Variants in ADAMTS19 observed in about 807,000 individuals in gnomAD.
ADAMTS19 encodes ADAM metallopeptidase with thrombospondin type 1 motif 19.
A neutral mutation model predicts 153.3 loss-of-function variants in ADAMTS19; 93 were observed. The observed-to-expected ratio is 0.61, with a 90% confidence interval of 0.51 to 0.72. The LOEUF is 0.72. Ranked by LOEUF, ADAMTS19 falls within the 30% of genes least tolerant of loss-of-function variation. ADAMTS19 has a pLI of 0.00. For synonymous variants in ADAMTS19, 600 were observed against 556.6 expected (o/e 1.08, Z -1.10); for missense variants, 1,482 against 1,552.1 (o/e 0.95, Z 0.76).
intron 18 of ADAMTS19, chr5:129,688,131 C>T (rs902392888): frequency 1.3e-5 from 2 of 152,168 alleles, no homozygotes; most frequent in South Asian, 4.2e-4. Context: ...TTTCAAGGAT[C>T]GCATCATTTC....
rs1018751009 is a variant in ADAMTS19 at position 129,713,777 on chromosome 5, T to A, written c.3312+9386T>A. On this transcript the variant is annotated intron_variant, in intron 21 of 22. Coordinates refer to ENST00000274487, the MANE Select transcript of ADAMTS19 (RefSeq NM_133638.6). ...TCTATCTAAAAAAAAAAAAAAAAAA[T>A]TAACAAAATGTTTTTAACAAACAGA... Among the ~76,000 whole-genome samples the A allele has an allele frequency of 2.7e-5, 4 of 149,820 alleles. No homozygotes were observed. The South Asian group carries it at 6.3e-4, about 24-fold the overall frequency.
intron 8 of ADAMTS19, 63 bp downstream of exon 8, chr5:129,596,727 AATT>A (rs2126920452): frequency 8.3e-7 from 1 of 1,198,520 alleles, no homozygotes; most frequent in Non-Finnish European, 1.2e-6. Context: ...CGAGTTACTG[AATT>A]ACCTGGATAT....
At chr5:129,524,382 G>A (rs1021137450) in intron 3 of ADAMTS19, among the ~76,000 whole-genome samples, 1 of 152,078 alleles carries the variant, frequency 6.6e-6, no homozygotes, top group African/African-American at 2.4e-5. Flanking sequence ...GCACCATTCA[G>A]GACATAGGCA....
chr5:129,548,921 C>T (rs892459070), intron 6 of ADAMTS19, among the ~76,000 whole-genome samples: 2 of 148,704 alleles, frequency 1.3e-5, no homozygotes, highest in African/African-American at 5.0e-5. Flanking sequence ...CAAACTATCG[C>T]AAGGACAAAA....
At position 129,562,217 on chromosome 5, in the gene ADAMTS19, C is replaced by T. The variant is rs113643420; in HGVS notation, c.1372+10310C>T. Among the ~76,000 whole-genome samples, 235 of 152,262 alleles carry T rather than the reference C, an allele frequency of 1.5e-3. 1 individual carries two copies. The highest frequency in any genetic ancestry group is 5.2e-3 in the African/African-American group (218 of 41,560). ...TTTAACTGAGACATCATATTTTAGCCTGCAACAGAAATGCTTTATCCATAC... is the reference window on the plus strand; with the variant it reads ...TTTAACTGAGACATCATATTTTAGCTTGCAACAGAAATGCTTTATCCATAC... On this transcript the variant is annotated intron_variant, in intron 7 of 22. Coordinates refer to ENST00000274487, the MANE Select transcript of ADAMTS19 (RefSeq NM_133638.6).
At chr5:129,574,053 G>C (rs995888715) in intron 7 of ADAMTS19, among the ~76,000 whole-genome samples, 2 of 151,796 alleles carry the variant, frequency 1.3e-5, no homozygotes, top group Non-Finnish European at 2.9e-5. Context: ...TAAGTACCAC[G>C]GGTTTTAAAA....
chr5:129,580,553 G>A (rs988477348), intron 7 of ADAMTS19, among the ~76,000 whole-genome samples: 1 of 152,152 alleles, frequency 6.6e-6, no homozygotes, highest in Non-Finnish European at 1.5e-5. Context: ...CATTCACTAT[G>A]ATATTGGCAG....
intron 7 of ADAMTS19, among the ~76,000 whole-genome samples, chr5:129,559,508 G>A (rs1320640497): frequency 6.6e-6 from 1 of 152,080 alleles, no homozygotes; most frequent in Non-Finnish European, 1.5e-5. Flanking sequence ...ACATTATAAA[G>A]TGATGGCAAG....
chr5:129,649,046 T>C (rs1408575435), intron 13 of ADAMTS19, 76 bp downstream of exon 13: 1 of 1,320,162 alleles, frequency 7.6e-7, no homozygotes, highest in Non-Finnish European at 1.0e-6. Flanking sequence ...AATAGTCAGA[T>C]TATTTTACCT....
At chr5:129,462,574 G>A (rs1056572137) in intron 2 of ADAMTS19, among the ~76,000 whole-genome samples, 2 of 151,768 alleles carry the variant, frequency 1.3e-5, no homozygotes, top group Non-Finnish European at 2.9e-5. Context: ...TTCAGGGGTT[G>A]GGACAAGCTT....
intron 2 of ADAMTS19, among the ~76,000 whole-genome samples, chr5:129,499,447 C>G (rs927685812): frequency 6.6e-6 from 1 of 152,060 alleles, no homozygotes. Context: ...TATTTATTCT[C>G]ATACTTGTGA....
intron 2 of ADAMTS19, among the ~76,000 whole-genome samples, chr5:129,494,787 T>G (rs1750873087): frequency 6.6e-6 from 1 of 152,186 alleles, no homozygotes; most frequent in African/African-American, 2.4e-5. Context: ...TTGTGAATTC[T>G]TCTTTCTTTC....
At chr5:129,505,571 A>G (rs1343592125) in intron 2 of ADAMTS19, among the ~76,000 whole-genome samples, 1 of 152,194 alleles carries the variant, frequency 6.6e-6, no homozygotes, top group Non-Finnish European at 1.5e-5. Flanking sequence ...CAGCACATCT[A>G]CATGGAGATA....
chr5:129,509,354 T>G, intron 3 of ADAMTS19, 112 bp downstream of exon 3: 1 of 983,586 alleles, frequency 1.0e-6, no homozygotes, highest in Non-Finnish European at 1.5e-6. Context: ...TGTAGAATCT[T>G]TTAATTAGTA....
intron 21 of ADAMTS19, among the ~76,000 whole-genome samples, chr5:129,727,846 C>T (rs1254780653): frequency 6.6e-6 from 1 of 152,144 alleles, no homozygotes; most frequent in Non-Finnish European, 1.5e-5. Flanking sequence ...CTGTCAGAGG[C>T]TTTGGAACCA....
chr5:129,543,600 T>A (rs1380855186), intron 6 of ADAMTS19, among the ~76,000 whole-genome samples: 2 of 152,158 alleles, frequency 1.3e-5, no homozygotes, highest in South Asian at 4.1e-4. Context: ...GAGCAAAGTT[T>A]CCTCTGGATG....
At chr5:129,507,041 T>G (rs967994173) in intron 2 of ADAMTS19, among the ~76,000 whole-genome samples, 2 of 152,042 alleles carry the variant, frequency 1.3e-5, no homozygotes, top group African/African-American at 4.8e-5. Context: ...TCATTAAATT[T>G]TATGTGATAG....
At position 129,528,924 on chromosome 5, in the gene ADAMTS19, A is replaced by G. The variant is rs547235758; in HGVS notation, c.1328+247A>G. Among the ~76,000 whole-genome samples the G allele has an allele frequency of 4.6e-5, 7 of 152,266 alleles. No individual in the cohort carries two copies. In the South Asian group the frequency reaches 1.2e-3, roughly 27 times the overall value. Reference sequence around the variant, plus strand: ...AAAATTACCCAAAATTTTTGACCTCAAAGGCATAGTCATTGATAATGATAA... The same window carrying G: ...AAAATTACCCAAAATTTTTGACCTCGAAGGCATAGTCATTGATAATGATAA... On this transcript the variant is annotated intron_variant, in intron 6 of 22. Coordinates refer to ENST00000274487, the MANE Select transcript of ADAMTS19 (RefSeq NM_133638.6).
intron 6 of ADAMTS19, among the ~76,000 whole-genome samples, chr5:129,529,954 A>G (rs1406220962): frequency 6.6e-6 from 1 of 152,116 alleles, no homozygotes; most frequent in Non-Finnish European, 1.5e-5. Flanking sequence ...GGGGAGACAG[A>G]GCTTGGAGGT....
Sources: allele counts gnomAD v4.1 joint callset (sites outside exome capture counted in the v4.1 genomes callset), GRCh38; gene constraint gnomAD v4.1.1; transcripts MANE v1.5; gene names NCBI Gene and HGNC (gene_info 2026-07-23, HGNC 2026-07-21).